SLC35F3: variants seen among roughly 807,000 people sequenced by gnomAD.
SLC35F3 encodes putative thiamine transporter SLC35F3.
In SLC35F3, 25 loss-of-function variants were observed where a neutral mutation model predicts 49.9. The observed-to-expected ratio is 0.50, with a 90% confidence interval of 0.37 to 0.70. The LOEUF is 0.70. Among genes scored for constraint, SLC35F3 ranks in the 30% least tolerant of loss-of-function variants. SLC35F3 has a pLI of 0.00. For synonymous variants in SLC35F3, 275 were observed against 265.4 expected (o/e 1.04, Z -0.35); for missense variants, 525 against 639.8 (o/e 0.82, Z 1.94).
At chr1:234,183,345 AT>A (rs754888717) in intron 2 of SLC35F3, among the ~76,000 whole-genome samples, 1 of 143,168 alleles carries the variant, frequency 7.0e-6, no homozygotes, top group Non-Finnish European at 1.5e-5. Context: ...AAAAGTTCTT[AT>A]TTTTATAGAA....
At chr1:234,012,762 T>C (rs892468927) in intron 2 of SLC35F3, among the ~76,000 whole-genome samples, 2 of 152,250 alleles carry the variant, frequency 1.3e-5, no homozygotes, top group Non-Finnish European at 2.9e-5. Flanking sequence ...GAATTTCTTA[T>C]GTCTTCCCTT....
At chr1:233,967,314 A>G (rs920674524) in intron 2 of SLC35F3, among the ~76,000 whole-genome samples, 15 of 152,186 alleles carry the variant, frequency 9.9e-5, no homozygotes, top group Admixed American at 7.9e-4. Flanking sequence ...AGAGCTTTAA[A>G]AAAGAAAAGC....
intron 2 of SLC35F3, among the ~76,000 whole-genome samples, chr1:234,114,613 G>A (rs1665457489): frequency 6.6e-6 from 1 of 152,178 alleles, no homozygotes; most frequent in Admixed American, 6.5e-5. Flanking sequence ...TTTGTTTGCT[G>A]AGAATTGAGA....
At chr1:234,184,748 T>C (rs1666609091) in intron 2 of SLC35F3, among the ~76,000 whole-genome samples, 1 of 151,994 alleles carries the variant, frequency 6.6e-6, no homozygotes, top group Non-Finnish European at 1.5e-5. Context: ...GGAGAATAGG[T>C]GAAAGAGCCC....
At position 234,231,470 on chromosome 1, in the gene SLC35F3, G is replaced by C. The variant is rs1320274191; in HGVS notation, c.337G>C (p.Gly113Arg). 6.2e-7 allele frequency: 1 copy of C among 1,611,160 alleles called. No individual in the cohort carries two copies. Among genetic ancestry groups the C allele is most frequent in the Non-Finnish European group, 8.5e-7 (1 of 1,178,496 alleles). Residue 113 changes from glycine to arginine, a missense_variant, in exon 3 of 8, where the codon GGG (glycine) becomes CGG (arginine). Gly to Arg is a moderately radical substitution (Grantham distance 125). Around this residue, in one of 4 missense-constraint regions of SLC35F3, gnomAD observed 228 missense variants for 218.9 expected, o/e 1.04. Coordinates refer to ENST00000366618, the MANE Select transcript of SLC35F3 (RefSeq NM_173508.4). The surrounding 1 kb of genome is among the most constrained non-coding windows in gnomAD (Gnocchi z 5.4). Reference protein sequence around the residue: ...PGPAEAQAPAGVEAGGRASRR... With the variant: ...PGPAEAQAPARVEAGGRASRR... ...CCCGGCGGAGGCCCAGGCACCGGCC[G>C]GGGTGGAGGCCGGCGGGAGAGCGAG...
chr1:234,133,940 T>C (rs755895854), intron 2 of SLC35F3, among the ~76,000 whole-genome samples: 2 of 152,182 alleles, frequency 1.3e-5, no homozygotes, highest in Non-Finnish European at 2.9e-5. Context: ...GGTGGATGAA[T>C]ATGTGACCAC....
At position 234,287,750 on chromosome 1, in the gene SLC35F3, T is replaced by C. The variant is rs911613797; in HGVS notation, c.609-21351T>C. Reference sequence around the variant, plus strand: ...TCAATGAAGGGCCACTGCAGTGTAGTGAAAACTTTTGCTTGAGGATGTAAG... The same window carrying C: ...TCAATGAAGGGCCACTGCAGTGTAGCGAAAACTTTTGCTTGAGGATGTAAG... On this transcript the variant is annotated intron_variant, in intron 3 of 7. Coordinates refer to ENST00000366618, the MANE Select transcript of SLC35F3 (RefSeq NM_173508.4). Among the ~76,000 whole-genome samples the C allele has an allele frequency of 2.0e-5, 3 of 152,242 alleles. No individual in the cohort carries two copies. In the East Asian group the frequency reaches 5.8e-4, roughly 29 times the overall value.
rs117890362 is a variant in SLC35F3 at position 233,981,638 on chromosome 1, G to A, written c.283+75880G>A. On this transcript the variant is annotated intron_variant, in intron 2 of 7. Coordinates refer to ENST00000366618, the MANE Select transcript of SLC35F3 (RefSeq NM_173508.4). ...CATGAACATTCATGTACAGGTCTTTGTGTGGACAGAATTCCACTTTTCTCT... is the reference window on the plus strand; with the variant it reads ...CATGAACATTCATGTACAGGTCTTTATGTGGACAGAATTCCACTTTTCTCT... Among the ~76,000 whole-genome samples, 62 of 151,472 alleles carry A rather than the reference G, an allele frequency of 4.1e-4. No homozygotes were observed. In the East Asian group the frequency reaches 8.6e-3, roughly 21 times the overall value.
chr1:234,017,035 G>A (rs1041074229), intron 2 of SLC35F3, among the ~76,000 whole-genome samples: 2 of 152,098 alleles, frequency 1.3e-5, no homozygotes, highest in African/African-American at 4.8e-5. Flanking sequence ...CTTAATCTGC[G>A]TGTCTTAGTA....
At chr1:234,024,039 A>C (rs1663939766) in intron 2 of SLC35F3, among the ~76,000 whole-genome samples, 1 of 152,184 alleles carries the variant, frequency 6.6e-6, no homozygotes, top group Non-Finnish European at 1.5e-5. Flanking sequence ...TGAATAATGT[A>C]TGGACATGAA....
intron 2 of SLC35F3, among the ~76,000 whole-genome samples, chr1:233,974,139 A>G (rs940709702): frequency 2.7e-5 from 4 of 149,602 alleles, no homozygotes; most frequent in Non-Finnish European, 5.9e-5. Context: ...ACTCTTGGGC[A>G]GGAGACTATT....
rs117056480 is a variant in SLC35F3 at position 234,033,611 on chromosome 1, G to T, written c.283+127853G>T. On this transcript the variant is annotated intron_variant, in intron 2 of 7. Coordinates refer to ENST00000366618, the MANE Select transcript of SLC35F3 (RefSeq NM_173508.4). ...ATCCCAGCACCATTTGTTGAATAGGGTGTCTTTCCCCACTTGGTGTTTTTG... is the reference window on the plus strand; with the variant it reads ...ATCCCAGCACCATTTGTTGAATAGGTTGTCTTTCCCCACTTGGTGTTTTTG... Among the ~76,000 whole-genome samples, 608 of 152,276 alleles carry T rather than the reference G, an allele frequency of 4.0e-3. 19 individuals carry two copies. Among genetic ancestry groups the T allele is most frequent in the Admixed American group, 0.027 (416 of 15,302 alleles).
intron 2 of SLC35F3, among the ~76,000 whole-genome samples, chr1:234,099,394 G>A (rs942635034): frequency 6.6e-6 from 1 of 152,064 alleles, no homozygotes; most frequent in African/African-American, 2.4e-5. Context: ...GGCAGATCAC[G>A]AGGTCAAGAG....
At chr1:234,094,746 T>C (rs1665093256) in intron 2 of SLC35F3, among the ~76,000 whole-genome samples, 2 of 152,130 alleles carry the variant, frequency 1.3e-5, no homozygotes, top group South Asian at 4.1e-4. Context: ...GGAGGCTTGA[T>C]AGGGGCTTTG....
In SLC35F3 at chr1:234,180,986, T is replaced by C. The variant is rs546980951; in HGVS notation, c.284-50431T>C. On this transcript the variant is annotated intron_variant, in intron 2 of 7. Coordinates refer to ENST00000366618, the MANE Select transcript of SLC35F3 (RefSeq NM_173508.4). Reference sequence around the variant, plus strand: ...CGTTCCCTCTTCCCATCAGATTGATTTGAAGAAAATCCAGACATCATATAA... The same window carrying C: ...CGTTCCCTCTTCCCATCAGATTGATCTGAAGAAAATCCAGACATCATATAA... Among the ~76,000 whole-genome samples, 12 of 152,262 alleles carry C rather than the reference T, an allele frequency of 7.9e-5. No homozygotes were observed. The South Asian group carries it at 2.1e-3, about 26-fold the overall frequency.
At chr1:234,109,321 A>T (rs377434654) in intron 2 of SLC35F3, among the ~76,000 whole-genome samples, 1 of 152,164 alleles carries the variant, frequency 6.6e-6, no homozygotes, top group Non-Finnish European at 1.5e-5. Flanking sequence ...CATTTCTAGA[A>T]TTTTTGCTTT....
intron 2 of SLC35F3, among the ~76,000 whole-genome samples, chr1:233,921,834 C>T (rs1026312691): frequency 2.7e-5 from 4 of 146,624 alleles, no homozygotes; most frequent in African/African-American, 1.0e-4. Context: ...TGTGATGTTC[C>T]CCACCCAGTG....
intron 2 of SLC35F3, among the ~76,000 whole-genome samples, chr1:233,991,549 G>C (rs1196015395): frequency 6.6e-6 from 1 of 152,218 alleles, no homozygotes; most frequent in Non-Finnish European, 1.5e-5. Context: ...CTTTGTTCTT[G>C]GATTACTCTC....
At chr1:234,001,182 A>C (rs996074276) in intron 2 of SLC35F3, among the ~76,000 whole-genome samples, 2 of 152,294 alleles carry the variant, frequency 1.3e-5, no homozygotes, top group African/African-American at 4.8e-5. Context: ...ACATCTGTGG[A>C]CCTCAAAGTG....
Sources: allele counts gnomAD v4.1 joint callset (sites outside exome capture counted in the v4.1 genomes callset), GRCh38; gene constraint gnomAD v4.1.1; regional missense constraint gnomAD v4.1.1; non-coding constraint Gnocchi (gnomAD v3.1); transcripts MANE v1.5; gene names NCBI Gene and HGNC (gene_info 2026-07-23, HGNC 2026-07-21).